The following PTPN4 variants were observed in gnomAD, a reference collection of about 807,000 sequenced individuals.
The protein encoded by PTPN4 is protein tyrosine phosphatase non-receptor type 4.
Under a neutral mutation model 135.5 loss-of-function variants are expected in PTPN4, and 49 were observed. That is an observed-to-expected ratio of 0.36 (90% confidence interval 0.29 to 0.46). PTPN4 has a LOEUF of 0.46. PTPN4 is among the 20% of genes least tolerant of loss of function. The pLI, the probability that PTPN4 is intolerant of heterozygous loss-of-function variation, is 1.00. For missense variants in PTPN4, 860 were observed against 1,101.0 expected, an observed-to-expected ratio of 0.78 and a Z score of 3.10; for synonymous variants, 333 against 369.9, an observed-to-expected ratio of 0.90 and a Z score of 1.14.
Position 119,955,124 on chromosome 2 carries a change from C to T in PTPN4, c.1814-33C>T, listed in dbSNP as rs372837623. On this transcript the variant is annotated intron_variant, in intron 19 of 26. Coordinates refer to ENST00000263708, the MANE Select transcript of PTPN4 (RefSeq NM_002830.4). ...TCGTGTGAATTCATTAAGATTTCCA[C>T]GTTTTGGGGTTTGTTTGATTTTTTT... 3.0e-5 allele frequency: 47 copies of T among 1,544,564 alleles called. No individual in the cohort carries two copies. The Middle Eastern group carries it at 5.2e-4, about 17-fold the overall frequency.
At chr2:119,905,152 A>G (rs568500692) in intron 10 of PTPN4, among the ~76,000 whole-genome samples, 1 of 152,308 alleles carries the variant, frequency 6.6e-6, no homozygotes, top group Non-Finnish European at 1.5e-5. Context: ...TTACTTAACA[A>G]CATTGAATGT....
chr2:119,875,269 A>C (rs971560597), intron 3 of PTPN4, among the ~76,000 whole-genome samples: 1 of 152,124 alleles, frequency 6.6e-6, no homozygotes, highest in African/African-American at 2.4e-5. Context: ...AAGAACCTTA[A>C]CCCTATCTCA....
At chr2:119,910,352 A>G (rs1477362261) in intron 10 of PTPN4, among the ~76,000 whole-genome samples, 7 of 152,096 alleles carry the variant, frequency 4.6e-5, no homozygotes, top group Non-Finnish European at 7.4e-5. Context: ...AAATAGTGTG[A>G]CTCACTTTAT....
chr2:119,969,559 T>TTC (rs1553480138), intron 26 of PTPN4, among the ~76,000 whole-genome samples: 1 of 72,946 alleles, frequency 1.4e-5, no homozygotes, highest in African/African-American at 5.2e-5. Flanking sequence ...TTTCTTTTTT[T>TTC]TTTTTTTTTT....
At position 119,805,227 on chromosome 2, in the gene PTPN4, T is replaced by C. The variant is rs181332763; in HGVS notation, c.-17-4610T>C. Among the ~76,000 whole-genome samples, 500 of 152,302 alleles carry C rather than the reference T, an allele frequency of 3.3e-3. 2 individuals carry two copies. Among genetic ancestry groups the C allele is most frequent in the African/African-American group, 0.011 (473 of 41,568 alleles). ...TAGATTGCAAAAATTTTCTCCTGTTTTGTATGTTGCCTGTTCACTCTGATG... is the reference window on the plus strand; with the variant it reads ...TAGATTGCAAAAATTTTCTCCTGTTCTGTATGTTGCCTGTTCACTCTGATG... On this transcript the variant is annotated intron_variant, in intron 1 of 26. Transcript: ENST00000263708.
chr2:119,798,319 A>G (rs1691301323), intron 1 of PTPN4, among the ~76,000 whole-genome samples: 1 of 152,046 alleles, frequency 6.6e-6, no homozygotes. Flanking sequence ...GGCACCCGCC[A>G]CCATGCCTGG....
chr2:119,876,936 T>TGG (rs1473523286), intron 3 of PTPN4, among the ~76,000 whole-genome samples: 1 of 146,128 alleles, frequency 6.8e-6, no homozygotes, highest in Admixed American at 6.8e-5. Flanking sequence ...TGTGTGTGTG[T>TGG]GTGTGCGTGA....
In PTPN4 at chr2:119,877,511, G is replaced by T; in HGVS notation, c.337G>T (p.Asp113Tyr). 1 of 1,610,038 alleles carries T rather than the reference G, an allele frequency of 6.2e-7. No individual in the cohort carries two copies. Among genetic ancestry groups the T allele is most frequent in the South Asian group, 1.1e-5 (1 of 89,836 alleles). ...CTTTAGAGTCAAATTTTTTGTAAGT[G>T]ACCCCAACAAGTTACAAGAAGAATA... ...LNFRVKFFVS[D>Y]PNKLQEEYTR... Residue 113 changes from aspartate (D) to tyrosine (Y), a missense_variant, in exon 5 of 27, where the codon GAC becomes TAC. By Grantham distance (160) the Asp-to-Tyr change is radical (BLOSUM62 -3). Coordinates refer to ENST00000263708, the MANE Select transcript of PTPN4 (RefSeq NM_002830.4).
At chr2:119,883,083 T>A (rs1438438973) in intron 8 of PTPN4, among the ~76,000 whole-genome samples, 1 of 152,134 alleles carries the variant, frequency 6.6e-6, no homozygotes, top group African/African-American at 2.4e-5. Context: ...ACCCAAGAGT[T>A]TGAAATTCAG....
intron 12 of PTPN4, among the ~76,000 whole-genome samples, chr2:119,924,136 CA>C (rs35572826): frequency 0.35 from 27,356 of 77,414 alleles, 1,689 homozygotes; most frequent in African/African-American, 0.44. Context: ...GACTCCGTCT[CA>C]AAAAAAAAAA....
At chr2:119,779,050 T>G (rs991967197) in intron 1 of PTPN4, among the ~76,000 whole-genome samples, 1 of 152,224 alleles carries the variant, frequency 6.6e-6, no homozygotes, top group African/African-American at 2.4e-5. Context: ...TTGCTACATT[T>G]GAATTTTTTT....
intron 1 of PTPN4, among the ~76,000 whole-genome samples, chr2:119,790,183 AT>A (rs996780145): frequency 1.3e-5 from 2 of 151,342 alleles, no homozygotes; most frequent in African/African-American, 2.4e-5. Flanking sequence ...GATTCTATAT[AT>A]TTTTTTTGTT....
chr2:119,781,013 T>TA (rs1178530998), intron 1 of PTPN4, among the ~76,000 whole-genome samples: 1 of 152,196 alleles, frequency 6.6e-6, no homozygotes, highest in East Asian at 1.9e-4. Flanking sequence ...ACTCTGGACT[T>TA]ATGGATTTTT....
intron 1 of PTPN4, among the ~76,000 whole-genome samples, chr2:119,786,439 A>C (rs1278563960): frequency 6.6e-6 from 1 of 152,202 alleles, no homozygotes; most frequent in South Asian, 2.1e-4. Flanking sequence ...GGACTTGGCA[A>C]GGAAGACTTT....
intron 2 of PTPN4, among the ~76,000 whole-genome samples, chr2:119,820,410 TTA>T (rs973349573): frequency 6.6e-6 from 1 of 151,940 alleles, no homozygotes; most frequent in Non-Finnish European, 1.5e-5. Context: ...ATAGAAAGAG[TTA>T]TAGTTATCAC....
chr2:119,933,750 A>G (rs1010180043), intron 14 of PTPN4, among the ~76,000 whole-genome samples: 1 of 152,098 alleles, frequency 6.6e-6, no homozygotes, highest in Non-Finnish European at 1.5e-5. Context: ...AGAACAGTTT[A>G]TACATAAACA....
At chr2:119,902,553 A>C (rs917835308) in intron 10 of PTPN4, among the ~76,000 whole-genome samples, 5 of 152,238 alleles carry the variant, frequency 3.3e-5, no homozygotes, top group African/African-American at 1.2e-4. Context: ...GTCTTCCACA[A>C]AGAAGGACCA....
intron 12 of PTPN4, among the ~76,000 whole-genome samples, chr2:119,923,998 G>T (rs749999407): frequency 2.0e-5 from 3 of 151,918 alleles, no homozygotes; most frequent in Admixed American, 6.6e-5. Flanking sequence ...TTAGCCGGGC[G>T]TAGTGGTGGG....
chr2:119,895,110 G>A (rs967806707), intron 9 of PTPN4, among the ~76,000 whole-genome samples: 1 of 152,190 alleles, frequency 6.6e-6, no homozygotes, highest in African/African-American at 2.4e-5. Flanking sequence ...CTCTGAGAAT[G>A]AGGGAAGGAG....
Sources: allele counts gnomAD v4.1 joint callset (sites outside exome capture counted in the v4.1 genomes callset), GRCh38; gene constraint gnomAD v4.1.1; transcripts MANE v1.5; gene names NCBI Gene and HGNC (gene_info 2026-07-23, HGNC 2026-07-21).